The following ITK variants were observed in gnomAD, a reference collection of about 807,000 sequenced individuals.
ITK encodes the protein tyrosine-protein kinase ITK/TSK.
A neutral mutation model predicts 87.6 loss-of-function variants in ITK; 45 were observed. That is an observed-to-expected ratio of 0.51 (90% CI 0.40 to 0.66). The LOEUF is 0.66. Among genes scored for constraint, ITK ranks in the 30% least tolerant of loss-of-function variants. The pLI is 0.00. For missense variants in ITK, 605 were observed against 766.3 expected, an observed-to-expected ratio of 0.79 and a Z score of 2.48; for synonymous variants, 303 against 273.6, an observed-to-expected ratio of 1.11 and a Z score of -1.06.
intron 11 of ITK, 111 bp from the exon 12 acceptor site, chr5:157,243,512 T>A: frequency 1.1e-6 from 1 of 874,810 alleles, no homozygotes; most frequent in Non-Finnish European, 2.0e-6. Context: ...CATCTTTGAA[T>A]TATATTAACA....
At chr5:157,228,194 T>A (rs746051613) in intron 6 of ITK, 102 bp from the exon 7 acceptor site, 22 of 778,930 alleles carry the variant, frequency 2.8e-5, no homozygotes, top group Non-Finnish European at 5.0e-5. Flanking sequence ...CCAAATAATG[T>A]GATATTCCCC....
intron 7 of ITK, among the ~76,000 whole-genome samples, chr5:157,232,026 A>G (rs1487739173): frequency 6.6e-6 from 1 of 152,238 alleles, no homozygotes; most frequent in African/African-American, 2.4e-5. Flanking sequence ...TAAAGATAAT[A>G]ATATAATGAA....
chr5:157,185,876 A>G (rs1426090968), intron 1 of ITK, among the ~76,000 whole-genome samples: 1 of 152,140 alleles, frequency 6.6e-6, no homozygotes, highest in East Asian at 1.9e-4. Flanking sequence ...ACATTCCTTC[A>G]TGATCTTATT....
At chr5:157,207,529 C>T (rs1226170333) in intron 1 of ITK, among the ~76,000 whole-genome samples, 6 of 151,826 alleles carry the variant, frequency 4.0e-5, no homozygotes, top group African/African-American at 1.5e-4. Context: ...TATAGGCGCC[C>T]GCCACCACAC....
intron 13 of ITK, chr5:157,244,939 T>TA (rs555712497): frequency 4.7e-4 from 104 of 219,262 alleles, no homozygotes; most frequent in African/African-American, 2.2e-3. Flanking sequence ...AAATTTGAGA[T>TA]ATGCAGCTGG....
chr5:157,242,873 CG>C (rs1379755501), intron 11 of ITK, among the ~76,000 whole-genome samples: 1 of 152,212 alleles, frequency 6.6e-6, no homozygotes, highest in East Asian at 1.9e-4. Flanking sequence ...GCACCGTGTC[CG>C]GCACACAGTA....
At position 157,254,951 on chromosome 5, in the gene ITK, A is replaced by C. The variant is rs1755221834; in HGVS notation, c.*2273A>C. On this transcript the variant is annotated 3_prime_UTR_variant, in exon 17 of 17. Coordinates refer to ENST00000422843, the MANE Select transcript of ITK (RefSeq NM_005546.4). Reference sequence around the variant, plus strand: ...TTTAAATGGTCCCCTGTGTTTGTAGAGAACTCCCTTATACAGAGTTTTGGT... The same window carrying C: ...TTTAAATGGTCCCCTGTGTTTGTAGCGAACTCCCTTATACAGAGTTTTGGT... The C allele has an allele frequency of 4.7e-6, 1 of 213,986 alleles. No homozygotes were observed. 13.3% of individuals were successfully genotyped at this position (213,986 alleles called of 1,614,324 possible).
chr5:157,211,450 G>A, intron 3 of ITK, 82 bp downstream of exon 3: 4 of 1,162,642 alleles, frequency 3.4e-6, no homozygotes, highest in Admixed American at 1.7e-5. Context: ...ATAGAGTGTG[G>A]TGTGAGAGCA....
At chr5:157,243,319 G>A (rs932039319) in intron 11 of ITK, among the ~76,000 whole-genome samples, 4 of 152,154 alleles carry the variant, frequency 2.6e-5, no homozygotes, top group Non-Finnish European at 2.9e-5. Flanking sequence ...TACTTAGTGT[G>A]AAAAATGACA....
intron 12 of ITK, 162 bp from the exon 13 acceptor site, chr5:157,244,100 A>C: frequency 1.4e-6 from 1 of 732,154 alleles, no homozygotes; most frequent in Non-Finnish European, 2.4e-6. Context: ...TTCAGGTCTC[A>C]GCTCCAATGA....
At chr5:157,197,830 GT>G (rs1226959529) in intron 1 of ITK, among the ~76,000 whole-genome samples, 1 of 152,070 alleles carries the variant, frequency 6.6e-6, no homozygotes, top group Non-Finnish European at 1.5e-5. Context: ...AGTTTTTCCA[GT>G]TTATTTTAGT....
chr5:157,242,336 C>G (rs1754925891), intron 11 of ITK, among the ~76,000 whole-genome samples: 1 of 152,144 alleles, frequency 6.6e-6, no homozygotes, highest in South Asian at 2.1e-4. Flanking sequence ...GAAGGCTGGT[C>G]TAATTTTCAT....
chr5:157,243,866 C>T, intron 12 of ITK, 72 bp downstream of exon 12: 2 of 1,410,338 alleles, frequency 1.4e-6, no homozygotes, highest in Non-Finnish European at 2.0e-6. Context: ...AAATGCCATT[C>T]AAACGCCAGG....
chr5:157,246,418 A>G (rs1755021284), intron 15 of ITK, among the ~76,000 whole-genome samples: 1 of 152,210 alleles, frequency 6.6e-6, no homozygotes, highest in Non-Finnish European at 1.5e-5. Context: ...GCCAAGGGCT[A>G]ATCTAGGTGC....
At chr5:157,190,312 T>C (rs937191327) in intron 1 of ITK, among the ~76,000 whole-genome samples, 1 of 152,242 alleles carries the variant, frequency 6.6e-6, no homozygotes, top group Admixed American at 6.5e-5. Flanking sequence ...ATCTTTATTA[T>C]GATTATTATT....
intron 6 of ITK, among the ~76,000 whole-genome samples, chr5:157,225,239 C>T (rs1263164747): frequency 6.6e-6 from 1 of 152,284 alleles, no homozygotes; most frequent in East Asian, 1.9e-4. Flanking sequence ...GAGAAATTCT[C>T]CCGCTTTAGC....
chr5:157,203,031 T>C (rs780142699), intron 1 of ITK, among the ~76,000 whole-genome samples: 14 of 152,242 alleles, frequency 9.2e-5, no homozygotes, highest in Non-Finnish European at 1.5e-4. Flanking sequence ...CTACCTGGGA[T>C]GCTCACTCCC....
chr5:157,216,378 T>C (rs1754298834), intron 4 of ITK, among the ~76,000 whole-genome samples: 1 of 152,208 alleles, frequency 6.6e-6, no homozygotes, highest in African/African-American at 2.4e-5. Context: ...TGTGTAAGGC[T>C]GGGAGATTCA....
chr5:157,201,687 G>C (rs1187858366), intron 1 of ITK, among the ~76,000 whole-genome samples: 3 of 131,486 alleles, frequency 2.3e-5, no homozygotes, highest in Non-Finnish European at 4.7e-5. Flanking sequence ...TCTCCAGATT[G>C]AGAAAAAAAA....
Sources: allele counts gnomAD v4.1 joint callset (sites outside exome capture counted in the v4.1 genomes callset), GRCh38; gene constraint gnomAD v4.1.1; transcripts MANE v1.5; gene names NCBI Gene and HGNC (gene_info 2026-07-23, HGNC 2026-07-21).